CCDC93: variants seen among roughly 807,000 people sequenced by gnomAD.
CCDC93 encodes the protein CCC complex scaffolding subunit CCDC93.
CCDC93 carries 61 observed loss-of-function variants against 108.2 expected under a neutral mutation model. The ratio of observed to expected loss-of-function variants is 0.56; its 90% confidence interval spans 0.46 to 0.70. The LOEUF is 0.70. Ranked by LOEUF, CCDC93 falls within the 30% of genes least tolerant of loss-of-function variation. The pLI is 0.00. For missense variants in CCDC93, 685 were observed against 764.2 expected (o/e 0.90, Z 1.22); for synonymous variants, 276 against 260.4 (o/e 1.06, Z -0.58).
chr2:117,971,105 G>GC (rs1679745607), intron 11 of CCDC93, among the ~76,000 whole-genome samples: 1 of 152,212 alleles, frequency 6.6e-6, no homozygotes, highest in Non-Finnish European at 1.5e-5. Context: ...GCTGAGACCT[G>GC]CAATCCCAGC....
chr2:117,988,571 G>A (rs560516103), intron 6 of CCDC93, among the ~76,000 whole-genome samples: 2 of 152,242 alleles, frequency 1.3e-5, no homozygotes, highest in African/African-American at 4.8e-5. Flanking sequence ...AACTCCAACA[G>A]ATCCATCTTA....
rs1678790191 is a variant in CCDC93, at chr2:117,944,043, TAA to T, written c.1392_1393del (p.Tyr465GlnfsTer21). 1 of 1,606,366 alleles carries T rather than the reference TAA, an allele frequency of 6.2e-7. No homozygotes were observed. The highest frequency in any genetic ancestry group is 8.5e-7 in the Non-Finnish European group (1 of 1,177,050). ...ACTCACCTGTAGTAAACGTATCTTG[TAA>T]AGTTTCTCTTTCTCCATATTATACC... On this transcript the variant is annotated frameshift_variant, in exon 18 of 24. Coordinates refer to ENST00000376300, the MANE Select transcript of CCDC93 (RefSeq NM_019044.5). LOFTEE classifies it high-confidence loss of function.
chr2:117,973,538 A>T (rs1679834246), intron 11 of CCDC93, among the ~76,000 whole-genome samples: 1 of 152,104 alleles, frequency 6.6e-6, no homozygotes, highest in Non-Finnish European at 1.5e-5. Context: ...TTTATCTCCT[A>T]AGTGGCAAAG....
Position 117,974,898 on chromosome 2 carries a change from C to G in CCDC93, c.753G>C (p.Gln251His). 1 of 1,562,742 alleles carries G rather than the reference C, an allele frequency of 6.4e-7. No individual in the cohort carries two copies. Among genetic ancestry groups the G allele is most frequent in the East Asian group, 2.4e-5 (1 of 41,968 alleles). ...EEDELRAAEE[Q>H]RIQSLMTKMT... ...TCTTGGTCATCAGCGACTGAATACG[C>G]TGCTGAAAGAGGAATGGAAGGGAGC... Residue 251 changes from glutamine to histidine, a missense_variant and splice_region_variant, in exon 10 of 24, where the codon CAG becomes CAC. Gln to His is a conservative substitution (Grantham distance 24). Coordinates refer to ENST00000376300, the MANE Select transcript of CCDC93 (RefSeq NM_019044.5).
At chr2:117,933,982 G>T (rs1245830689) in intron 22 of CCDC93, 1 of 152,166 alleles carries the variant, frequency 6.6e-6, no homozygotes, top group African/African-American at 2.4e-5. Flanking sequence ...CCACCATGGA[G>T]GGGAGAGACA....
intron 22 of CCDC93, chr2:117,931,407 G>A (rs1233082932): frequency 5.7e-6 from 2 of 352,274 alleles, no homozygotes; most frequent in Non-Finnish European, 1.0e-5. Context: ...CAATGGACAG[G>A]TTGGTGATTC....
At chr2:117,953,651 C>G (rs1219050006) in intron 12 of CCDC93, among the ~76,000 whole-genome samples, 1 of 151,380 alleles carries the variant, frequency 6.6e-6, no homozygotes, top group Non-Finnish European at 1.5e-5. Flanking sequence ...GTCATGAGGG[C>G]TCCAGCCTTG....
chr2:117,988,487 C>A (rs990784686), intron 6 of CCDC93, among the ~76,000 whole-genome samples: 4 of 152,212 alleles, frequency 2.6e-5, no homozygotes, highest in African/African-American at 9.7e-5. Context: ...CTCCTGTGGG[C>A]CAGCCCATGC....
At chr2:117,989,314 G>C (rs935036186) in intron 6 of CCDC93, among the ~76,000 whole-genome samples, 3 of 152,084 alleles carry the variant, frequency 2.0e-5, no homozygotes, top group African/African-American at 7.2e-5. Context: ...CCTCCTCTAT[G>C]ATCTTGGAGA....
intron 3 of CCDC93, among the ~76,000 whole-genome samples, chr2:118,003,332 T>C (rs1213420050): frequency 6.6e-6 from 1 of 152,260 alleles, no homozygotes; most frequent in East Asian, 1.9e-4. Flanking sequence ...ATAGCTTATT[T>C]AATTTCCTTG....
chr2:117,926,340 T>G (rs1487859977), intron 23 of CCDC93, among the ~76,000 whole-genome samples: 2 of 152,080 alleles, frequency 1.3e-5, no homozygotes, highest in Admixed American at 1.3e-4. Context: ...GCTGGTTTTT[T>G]GAAAAGATCA....
intron 6 of CCDC93, among the ~76,000 whole-genome samples, chr2:117,993,696 A>G (rs186661377): frequency 6.6e-6 from 1 of 152,310 alleles, no homozygotes; most frequent in African/African-American, 2.4e-5. Flanking sequence ...ACTATTTGTC[A>G]TGAGAAATGT....
chr2:117,993,999 TG>T (rs1680567194), intron 6 of CCDC93, among the ~76,000 whole-genome samples: 1 of 152,220 alleles, frequency 6.6e-6, no homozygotes, highest in Non-Finnish European at 1.5e-5. Flanking sequence ...TCCAGTGTGC[TG>T]GGATTACAGG....
At chr2:117,941,134 C>G in intron 19 of CCDC93, 55 bp downstream of exon 19, 1 of 1,266,548 alleles carries the variant, frequency 7.9e-7, no homozygotes, top group Non-Finnish European at 1.2e-6. Context: ...GTGGAACAGA[C>G]CCCTCGCCTG....
At chr2:118,000,597 C>T (rs1680814428) in intron 4 of CCDC93, 2 of 463,404 alleles carry the variant, frequency 4.3e-6, no homozygotes, top group South Asian at 3.6e-5. Context: ...CAGATGAGAA[C>T]ATTCAAAGAT....
intron 11 of CCDC93, among the ~76,000 whole-genome samples, chr2:117,971,132 G>A (rs779736652): frequency 1.3e-5 from 2 of 152,156 alleles, no homozygotes; most frequent in Admixed American, 6.5e-5. Flanking sequence ...GGAGGCTGAG[G>A]TGGGAGGATG....
At chr2:117,922,182 G>C (rs1677892587) in intron 23 of CCDC93, among the ~76,000 whole-genome samples, 1 of 152,098 alleles carries the variant, frequency 6.6e-6, no homozygotes, top group African/African-American at 2.4e-5. Context: ...GGCAAAAACA[G>C]CATCAGAACT....
chr2:117,976,287 A>G lies in CCDC93; in HGVS notation c.658-1007T>C, dbSNP rs1205334163. Among the ~76,000 whole-genome samples the G allele has an allele frequency of 7.2e-5, 11 of 152,322 alleles. No individual in the cohort carries two copies. In the South Asian group the frequency reaches 1.7e-3, roughly 23 times the overall value. On this transcript the variant is annotated intron_variant, in intron 8 of 23. Transcript: ENST00000376300. The stretch of plus-strand genomic sequence containing the variant: ...GGGACATCTCATGATTTTTCCAATC[A>G]TAACCAAATTGCCCAGTCATATATA...
intron 11 of CCDC93, among the ~76,000 whole-genome samples, chr2:117,964,199 G>T (rs926930984): frequency 1.6e-4 from 25 of 151,980 alleles, no homozygotes; most frequent in African/African-American, 6.0e-4. Context: ...TATTGTGTGG[G>T]GGCACGGTGG....
Sources: gnomAD v4.1 joint callset for allele counts (sites outside exome capture counted in the v4.1 genomes callset) on GRCh38, gnomAD v4.1.1 for gene constraint, MANE v1.5 for transcripts, NCBI Gene and HGNC (gene_info 2026-07-23, HGNC 2026-07-21) for gene names.